Variants in AMD1 observed in about 807,000 individuals in gnomAD.
AMD1 encodes S-adenosylmethionine decarboxylase proenzyme.
A neutral mutation model predicts 40.2 loss-of-function variants in AMD1; 11 were observed. The observed-to-expected ratio is 0.27, with a 90% CI of 0.17 to 0.45. AMD1 has a LOEUF of 0.45. AMD1 is among the 20% of genes least tolerant of loss of function. The probability of loss-of-function intolerance (pLI) is 1.00; values close to 1 mark genes in which losing one functional copy is unlikely to be tolerated. For missense variants in AMD1, 257 were observed against 410.2 expected (o/e 0.63, Z 3.23); for synonymous variants, 121 against 130.8 (o/e 0.93, Z 0.51).
At chr6:110,876,043 G>A (rs1032918362) in intron 1 of AMD1, among the ~76,000 whole-genome samples, 1 of 152,210 alleles carries the variant, frequency 6.6e-6, no homozygotes, top group Non-Finnish European at 1.5e-5. Context: ...AGGGAGGCCC[G>A]CCTGCCCCAG....
At chr6:110,847,886 AT>A in the AMD1 span, among the ~76,000 whole-genome samples, 9 of 148,496 alleles carry the variant, frequency 6.1e-5, no homozygotes, top group East Asian at 8.2e-4. Context: ...TAATTTTTGT[AT>A]TTTTTTTTAG....
the AMD1 span, among the ~76,000 whole-genome samples, chr6:110,843,906 A>G: frequency 2.0e-5 from 3 of 152,066 alleles, no homozygotes; most frequent in Non-Finnish European, 4.4e-5. Context: ...ACTTTTAAGG[A>G]CCTTTGGGAT....
chr6:110,892,061 GTGGCAAATAGTATCATTC>G, intron 4 of AMD1, 82 bp from the exon 5 acceptor site: 3 of 1,339,276 alleles, frequency 2.2e-6, no homozygotes, highest in Non-Finnish European at 3.2e-6. Flanking sequence ...TTTCTAATAA[GTGGCAAATAGTATCATTC>G]TGCTTATTGT....
intron 2 of AMD1, 109 bp downstream of exon 2, chr6:110,887,700 G>GT (rs930638521): frequency 5.2e-6 from 4 of 770,996 alleles, no homozygotes; most frequent in South Asian, 2.4e-5. Context: ...GTTTTGTTTT[G>GT]TTTTTTTGAG....
chr6:110,836,539 T>C, the AMD1 span, among the ~76,000 whole-genome samples: 1 of 152,166 alleles, frequency 6.6e-6, no homozygotes, highest in Non-Finnish European at 1.5e-5. Flanking sequence ...TTCCCAAACA[T>C]TTCTGATCAT....
At chr6:110,830,011 T>C in the AMD1 span, among the ~76,000 whole-genome samples, 1 of 151,532 alleles carries the variant, frequency 6.6e-6, no homozygotes. Context: ...TTTTTGTTTG[T>C]GTGTTTGTTT....
chr6:110,878,646 G>T (rs989471447), intron 1 of AMD1, among the ~76,000 whole-genome samples: 5 of 152,100 alleles, frequency 3.3e-5, no homozygotes, highest in Admixed American at 3.3e-4. Flanking sequence ...TTTAAAAAAT[G>T]GTTTAGTTGT....
chr6:110,880,646 T>G (rs1785355770), intron 1 of AMD1, among the ~76,000 whole-genome samples: 1 of 145,750 alleles, frequency 6.9e-6, no homozygotes, highest in African/African-American at 2.4e-5. Context: ...CTTGGGACTC[T>G]TGTTCAAGAT....
the AMD1 span, among the ~76,000 whole-genome samples, chr6:110,854,774 G>A: frequency 1.3e-5 from 2 of 151,794 alleles, no homozygotes; most frequent in Admixed American, 6.6e-5. Context: ...TACATTCTCT[G>A]GAAAAAAATT....
At chr6:110,847,441 C>T in the AMD1 span, among the ~76,000 whole-genome samples, 559 of 151,696 alleles carry the variant, frequency 3.7e-3, 4 homozygotes, top group Non-Finnish European at 5.3e-3. Flanking sequence ...AGGAGAATGG[C>T]GTGAACCCGG....
At chr6:110,825,996 G>A in the AMD1 span, among the ~76,000 whole-genome samples, 1 of 150,614 alleles carries the variant, frequency 6.6e-6, no homozygotes, top group Non-Finnish European at 1.5e-5. Context: ...GTAAGACCCC[G>A]TCTCTACAAA....
At chr6:110,834,960 AT>A in the AMD1 span, among the ~76,000 whole-genome samples, 4 of 149,614 alleles carry the variant, frequency 2.7e-5, no homozygotes, top group African/African-American at 7.4e-5. Flanking sequence ...AAAAAAAAAA[AT>A]CTATAGTTAG....
chr6:110,847,065 T>TG, the AMD1 span, among the ~76,000 whole-genome samples: 12 of 85,172 alleles, frequency 1.4e-4, no homozygotes, highest in South Asian at 9.9e-4. Context: ...GTGTGTGTGG[T>TG]GTGTGTGTGT....
At chr6:110,835,487 G>A in the AMD1 span, among the ~76,000 whole-genome samples, 1 of 152,116 alleles carries the variant, frequency 6.6e-6, no homozygotes, top group African/African-American at 2.4e-5. Context: ...TTAATTTGTA[G>A]CATCAGACAT....
At chr6:110,836,864 T>G in the AMD1 span, among the ~76,000 whole-genome samples, 1 of 152,044 alleles carries the variant, frequency 6.6e-6, no homozygotes. Context: ...TATGAAACAA[T>G]GTTTTCAGGC....
chr6:110,834,295 C>A, the AMD1 span, among the ~76,000 whole-genome samples: 1 of 152,024 alleles, frequency 6.6e-6, no homozygotes, highest in Non-Finnish European at 1.5e-5. Flanking sequence ...ACTATGATCA[C>A]GCCACTGCAC....
At chr6:110,870,281 T>A (rs2115260052), upstream of AMD1, among the ~76,000 whole-genome samples, 1 of 152,248 alleles carries the variant, frequency 6.6e-6, no homozygotes, top group East Asian at 1.9e-4. Flanking sequence ...TAACGATTAG[T>A]TCTCAGAAAC....
the AMD1 span, among the ~76,000 whole-genome samples, chr6:110,834,996 C>T: frequency 1.3e-5 from 2 of 148,692 alleles, no homozygotes; most frequent in Non-Finnish European, 1.5e-5. Context: ...TTTTAATAGC[C>T]TTTTCAGATA....
upstream of AMD1, among the ~76,000 whole-genome samples, chr6:110,872,047 T>C (rs992540192): frequency 2.0e-5 from 3 of 152,182 alleles, no homozygotes; most frequent in African/African-American, 4.8e-5. Flanking sequence ...TCAGAAGCCA[T>C]TGAAAGATTG....
Sources: allele counts gnomAD v4.1 joint callset (sites outside exome capture counted in the v4.1 genomes callset), GRCh38; gene constraint gnomAD v4.1.1; transcripts MANE v1.5; gene names NCBI Gene and HGNC (gene_info 2026-07-23, HGNC 2026-07-21).